Variants in PLEKHG5 observed in about 807,000 individuals in gnomAD.
The protein encoded by PLEKHG5 is pleckstrin homology domain-containing family G member 5.
PLEKHG5 carries 52 observed loss-of-function variants against 103.8 expected under a neutral mutation model. That is an observed-to-expected ratio of 0.50 (90% confidence interval 0.40 to 0.63). PLEKHG5 has a LOEUF of 0.63. PLEKHG5 is among the 30% of genes least tolerant of loss of function. The probability of loss-of-function intolerance (pLI) is 0.00; values close to 1 mark genes in which losing one functional copy is unlikely to be tolerated. For synonymous variants in PLEKHG5, 592 were observed against 575.5 expected, an observed-to-expected ratio of 1.03 and a Z score of -0.41; for missense variants, 1,205 against 1,347.6, an observed-to-expected ratio of 0.89 and a Z score of 1.66.
chr1:6,495,705 A>C (rs964118560), upstream of PLEKHG5, among the ~76,000 whole-genome samples: 1 of 152,214 alleles, frequency 6.6e-6, no homozygotes, highest in African/African-American at 2.4e-5. Context: ...ATGTAAATGC[A>C]TGCTGGGAGG....
chr1:6,498,358 G>A (rs961625643), upstream of PLEKHG5, among the ~76,000 whole-genome samples: 2 of 152,182 alleles, frequency 1.3e-5, no homozygotes, highest in African/African-American at 2.4e-5. Context: ...TCCTTACATG[G>A]GCTGGGTCCG....
chr1:6,485,632 C>T (rs1407051195), intron 1 of PLEKHG5, among the ~76,000 whole-genome samples: 5 of 150,898 alleles, frequency 3.3e-5, no homozygotes, highest in Non-Finnish European at 7.4e-5. Context: ...CCACCCAGCC[C>T]CGGGGATCCC....
Position 6,514,281 on chromosome 1 carries a change from C to T in PLEKHG5, c.-165+5164G>A, listed in dbSNP as rs1043628782. Among the ~76,000 whole-genome samples, 6 of 151,926 alleles carry T rather than the reference C, an allele frequency of 3.9e-5. No individual in the cohort carries two copies. The East Asian group carries it at 7.7e-4, about 20-fold the overall frequency. The stretch of plus-strand genomic sequence containing the variant: ...ACCAGGCTGGGCAACATAGTGAGAC[C>T]GTGTCTCTACAAAAAGTTTAAAAAT... On this transcript the variant is annotated intron_variant, in intron 1 of 21. Coordinates refer to the PLEKHG5 transcript ENST00000377740.
At chr1:6,485,268 G>T in intron 1 of PLEKHG5, 1 of 1,179,630 alleles carries the variant, frequency 8.5e-7, no homozygotes, top group Non-Finnish European at 1.1e-6. Flanking sequence ...GGACTGGGCG[G>T]CTGCAGGCGA....
upstream of PLEKHG5, among the ~76,000 whole-genome samples, chr1:6,492,555 G>A (rs1306118544): frequency 6.6e-6 from 1 of 152,078 alleles, no homozygotes; most frequent in African/African-American, 2.4e-5. Flanking sequence ...GGTACGGAGG[G>A]CACACCCAAA....
intron 1 of PLEKHG5, among the ~76,000 whole-genome samples, chr1:6,518,166 T>G (rs1011794823): frequency 5.3e-5 from 8 of 151,380 alleles, no homozygotes; most frequent in African/African-American, 1.5e-4. Context: ...TCTCCTGACC[T>G]TGTGATCCGC....
rs749625445 is a variant in PLEKHG5 at position 6,470,893 on chromosome 1, G to T, written c.1393-9C>A. ...GGGTGCTTCTCCGCCCACTGCGGTG[G>T]GGGAGTGGGGGCGGGCTCAGGGCAG... On this transcript the variant is annotated splice_polypyrimidine_tract_variant and intron_variant, in intron 13 of 20. Coordinates refer to ENST00000377728, the MANE Select transcript of PLEKHG5 (RefSeq NM_020631.6). The T allele has an allele frequency of 2.8e-6, 4 of 1,412,680 alleles. No homozygotes were observed. The highest frequency in any genetic ancestry group is 3.7e-6 in the Non-Finnish European group (4 of 1,086,728). 87.5% of individuals were successfully genotyped at this position (1,412,680 alleles called of 1,614,324 possible).
chr1:6,499,983 T>C (rs763538984), upstream of PLEKHG5, among the ~76,000 whole-genome samples: 2 of 152,042 alleles, frequency 1.3e-5, no homozygotes, highest in Admixed American at 6.6e-5. Flanking sequence ...AATTTTTTTA[T>C]AGCAACGGAG....
At chr1:6,498,702 G>A (rs538209263), upstream of PLEKHG5, among the ~76,000 whole-genome samples, 344 of 152,204 alleles carry the variant, frequency 2.3e-3, no homozygotes, top group African/African-American at 7.7e-3. Context: ...GCAGCTGCCC[G>A]GGGCCCTGGG....
rs372201447 is a variant in PLEKHG5 at position 6,477,621 on chromosome 1, C to T, written c.-50G>A. ...GGCCTCGCAGAGGTTGAGGGGCCCC[C>T]GGCGGTGCAGCTGCTGGCAGTCGGC... is the stretch of plus-strand genomic sequence containing the variant. On this transcript the variant is annotated 5_prime_UTR_variant, in exon 2 of 21. Transcript: ENST00000377728. 14 of 1,609,260 alleles carry T rather than the reference C, an allele frequency of 8.7e-6. No homozygotes were observed. The highest frequency in any genetic ancestry group is 3.3e-5 in the South Asian group (3 of 91,086).
rs747057331 is a variant in PLEKHG5, at chr1:6,469,367, G to A, written c.2017C>T (p.Arg673Cys). Reference protein sequence around the residue: ...TFQASGQALCRGWVDTIYNAQ... With the variant: ...TFQASGQALCCGWVDTIYNAQ... ...TTGTAAATGGTGTCCACCCAGCCAC[G>A]GCACAAGGCCTGGCCACTGGCCTGG... Residue 673 changes from arginine to cysteine, a missense_variant, in exon 18 of 21, where the codon CGT (arginine) becomes TGT (cysteine). Arg to Cys is a radical substitution (Grantham distance 180, BLOSUM62 -3). Transcript: ENST00000377728. 1.2e-5 allele frequency: 19 copies of A among 1,614,006 alleles called. No individual in the cohort carries two copies. Among genetic ancestry groups the A allele is most frequent in the South Asian group, 4.4e-5 (4 of 91,050 alleles).
chr1:6,500,526 C>T (rs536666562), upstream of PLEKHG5, among the ~76,000 whole-genome samples: 17 of 151,726 alleles, frequency 1.1e-4, no homozygotes, highest in African/African-American at 4.1e-4. Flanking sequence ...GAACTCCCCC[C>T]TCCGCTAAGC....
At chr1:6,500,810 T>G (rs1258835864), upstream of PLEKHG5, among the ~76,000 whole-genome samples, 1 of 152,072 alleles carries the variant, frequency 6.6e-6, no homozygotes, top group East Asian at 1.9e-4. Flanking sequence ...ACAGCCCAGC[T>G]GCCCTCCTGG....
rs202191898 is a variant in PLEKHG5, at chr1:6,468,378, C to G, written c.2458G>C (p.Gly820Arg). 26 of 1,609,750 alleles carry G rather than the reference C, an allele frequency of 1.6e-5. No homozygotes were observed. In the East Asian group the frequency reaches 5.8e-4, roughly 36 times the overall value. The change falls in exon 20 of 21, where the codon GGC (glycine) becomes CGC (arginine). Residue 820 changes from glycine (G) to arginine (R), a missense_variant. Physicochemically the swap from Gly to Arg is moderately radical, Grantham distance 125. Transcript: ENST00000377728. ...TGTAAGGAGGTTGGGGAGAGGGTGC[C>G]GTAGGCAGAGTCCATGGAGCAGGAG... ...GRSCSMDSAYGTLSPTSLQDF... is the reference protein window; with the variant it reads ...GRSCSMDSAYRTLSPTSLQDF...
At chr1:6,503,380 C>G (rs1015781380) in intron 1 of PLEKHG5, among the ~76,000 whole-genome samples, 1 of 150,734 alleles carries the variant, frequency 6.6e-6, no homozygotes, top group South Asian at 2.1e-4. Flanking sequence ...GCACTCCAGC[C>G]TGGGTAACAG....
At chr1:6,485,362 A>G in intron 1 of PLEKHG5, 1 of 1,420,898 alleles carries the variant, frequency 7.0e-7, no homozygotes, top group African/African-American at 1.5e-5. Context: ...CCGGCCCAGG[A>G]GGGCTCCGAG....
chr1:6,519,440 C>T (rs371522461), intron 1 of PLEKHG5: 1 of 1,608,238 alleles, frequency 6.2e-7, no homozygotes, highest in Non-Finnish European at 8.5e-7. Context: ...AGAAAACATA[C>T]TCACCGGTTC....
chr1:6,479,521 C>T lies in PLEKHG5; in HGVS notation c.-87-1863G>A, dbSNP rs1474944736. Among the ~76,000 whole-genome samples the T allele has an allele frequency of 4.6e-5, 7 of 151,912 alleles. 1 individual carries two copies. In the South Asian group the frequency reaches 6.2e-4, roughly 14 times the overall value. On this transcript the variant is annotated intron_variant, in intron 1 of 20. Coordinates refer to ENST00000377728, the MANE Select transcript of PLEKHG5 (RefSeq NM_020631.6). ...CAGGATGGTCTCGATCTCCTGACCT[C>T]GTGATCCGCCCACCTCGGCCTCCCA...
At chr1:6,467,800 C>T (rs1420459669) in intron 20 of PLEKHG5, 25 bp downstream of exon 20, 2 of 1,611,880 alleles carry the variant, frequency 1.2e-6, no homozygotes, top group Admixed American at 1.7e-5. Context: ...GAGCCACCTG[C>T]CCTACCCCAG....
Sources: allele counts gnomAD v4.1 joint callset (sites outside exome capture counted in the v4.1 genomes callset), GRCh38; gene constraint gnomAD v4.1.1; transcripts MANE v1.5; gene names NCBI Gene and HGNC (gene_info 2026-07-23, HGNC 2026-07-21).